Variants in DSG2 observed in about 807,000 individuals in gnomAD.
DSG2 encodes desmoglein-2.
Under a neutral mutation model 75.6 loss-of-function variants are expected in DSG2, and 45 were observed. The observed-to-expected ratio is 0.60, with a 90% CI of 0.47 to 0.76. The LOEUF is 0.76. Among genes scored for constraint, DSG2 ranks in the 30% least tolerant of loss-of-function variants. The probability of loss-of-function intolerance (pLI) is 0.00; values close to 1 mark genes in which losing one functional copy is unlikely to be tolerated. For missense variants in DSG2, 1,267 were observed against 1,357.4 expected, an observed-to-expected ratio of 0.93 and a Z score of 1.05; for synonymous variants, 429 against 483.9, an observed-to-expected ratio of 0.89 and a Z score of 1.49.
At chr18:31,503,494 T>C (rs1053061870) in intron 1 of DSG2, among the ~76,000 whole-genome samples, 1 of 152,074 alleles carries the variant, frequency 6.6e-6, no homozygotes, top group Non-Finnish European at 1.5e-5. Flanking sequence ...GGCAGAAGAA[T>C]GTATAGGAAG....
chr18:31,523,774 A>G (rs906115394), intron 6 of DSG2, among the ~76,000 whole-genome samples: 3 of 152,244 alleles, frequency 2.0e-5, no homozygotes, highest in African/African-American at 7.2e-5. Flanking sequence ...GTCAAAGCGA[A>G]TAAGTGCATG....
chr18:31,542,124 T>C (rs2073271904), intron 13 of DSG2: 1 of 289,012 alleles, frequency 3.5e-6, no homozygotes, highest in Non-Finnish European at 6.6e-6. Context: ...GTCAGGTGGC[T>C]ATACCTAGTG....
At chr18:31,501,136 T>A (rs1173451724) in intron 1 of DSG2, among the ~76,000 whole-genome samples, 1 of 152,168 alleles carries the variant, frequency 6.6e-6, no homozygotes, top group Non-Finnish European at 1.5e-5. Flanking sequence ...ATTGGTATTT[T>A]AAAAATGCTG....
At chr18:31,538,687 T>G in intron 11 of DSG2, 64 bp from the exon 12 acceptor site, 1 of 1,307,108 alleles carries the variant, frequency 7.7e-7, no homozygotes, top group South Asian at 1.2e-5. Context: ...ATTTGTGGAA[T>G]TTAATGTTGC....
At chr18:31,544,675 CTAAT>C (rs1437528900) in intron 14 of DSG2, among the ~76,000 whole-genome samples, 1 of 152,044 alleles carries the variant, frequency 6.6e-6, no homozygotes, top group Non-Finnish European at 1.5e-5. Context: ...TTTTACCAGA[CTAAT>C]TAGGATATTA....
Position 31,536,281 on chromosome 18 carries a change from G to A in DSG2, c.1503G>A (p.Glu501=). 1 of 1,614,188 alleles carries A rather than the reference G, an allele frequency of 6.2e-7. No individual in the cohort carries two copies. Among genetic ancestry groups the A allele is most frequent in the Non-Finnish European group, 8.5e-7 (1 of 1,180,038 alleles). The stretch of plus-strand genomic sequence containing the variant: ...ACGACAACTGTCCCACACTGATAGA[G>A]CCTGTGCAGACAATCTGTCACGATG... The part of the protein sequence containing the change: ...DINDNCPTLI[E]PVQTICHDAE... The change falls in exon 11 of 15, where the codon GAG becomes GAA. Residue 501 remains glutamate, a synonymous_variant. Transcript: ENST00000261590.
chr18:31,507,751 T>C (rs1368682147), intron 1 of DSG2, among the ~76,000 whole-genome samples: 2 of 152,214 alleles, frequency 1.3e-5, no homozygotes, highest in Non-Finnish European at 2.9e-5. Context: ...TTCATATCCT[T>C]CACCCACCTT....
In DSG2 at chr18:31,531,372, G is replaced by C. The variant is rs1173268028; in HGVS notation, c.1280+120G>C. On this transcript the variant is annotated intron_variant, in intron 9 of 14. Coordinates refer to ENST00000261590, the MANE Select transcript of DSG2 (RefSeq NM_001943.5). ...AAATCCAGCATTATAGTTCCCCAAA[G>C]GTCTACAAGTTAAATTTTCCAAAGA... The C allele has an allele frequency of 7.3e-6, 9 of 1,227,562 alleles. No individual in the cohort carries two copies. In the East Asian group the frequency reaches 2.2e-4, roughly 31 times the overall value. 76.0% of individuals were successfully genotyped at this position (1,227,562 alleles called of 1,614,324 possible).
chr18:31,541,709 A>G (rs1159777424), intron 13 of DSG2, among the ~76,000 whole-genome samples: 1 of 152,162 alleles, frequency 6.6e-6, no homozygotes, highest in East Asian at 1.9e-4. Context: ...AAAATGTTGC[A>G]AAACCCCATT....
At chr18:31,506,754 C>T (rs1238455630) in intron 1 of DSG2, among the ~76,000 whole-genome samples, 1 of 152,072 alleles carries the variant, frequency 6.6e-6, no homozygotes, top group Non-Finnish European at 1.5e-5. Flanking sequence ...ATTCCAAAAG[C>T]ATTTGTGGCC....
chr18:31,518,386 C>A, intron 2 of DSG2, 112 bp downstream of exon 2: 1 of 897,106 alleles, frequency 1.1e-6, no homozygotes, highest in Non-Finnish European at 1.8e-6. Flanking sequence ...TTAGACCCAG[C>A]CATTCCCATT....
At chr18:31,511,686 A>G (rs1568102315) in intron 1 of DSG2, among the ~76,000 whole-genome samples, 1 of 152,208 alleles carries the variant, frequency 6.6e-6, no homozygotes, top group Non-Finnish European at 1.5e-5. Context: ...CCTCTTACCT[A>G]GATTCCAAGA....
In DSG2 at chr18:31,546,728, G is replaced by A; in HGVS notation, c.3342G>A (p.Gln1114=). 6.2e-7 allele frequency: 1 copy of A among 1,614,126 alleles called. No homozygotes were observed. Among genetic ancestry groups the A allele is most frequent in the East Asian group, 2.2e-5 (1 of 44,882 alleles). The change falls in exon 15 of 15, where the codon CAG becomes CAA. Residue 1114 remains glutamine, a synonymous_variant. Transcript: ENST00000261590. ...GAGTTACCAAGCATAGCACTGTACA[G>A]CATTCTTACTCCTAAACAGCAGTCA... ...STRVTKHSTV[Q]HSYS
chr18:31,521,512 A>G lies in DSG2; in HGVS notation c.523+269A>G, dbSNP rs113735509. ...ACTCTGCTATCTGCAGGAAAGCACC[A>G]TAGACAATATGTAAACAAATGAGCC... On this transcript the variant is annotated intron_variant, in intron 5 of 14. Coordinates refer to ENST00000261590, the MANE Select transcript of DSG2 (RefSeq NM_001943.5). Among the ~76,000 whole-genome samples the G allele has an allele frequency of 9.8e-3, 1,486 of 152,274 alleles. 20 individuals carry two copies. Among genetic ancestry groups the G allele is most frequent in the African/African-American group, 0.035 (1,435 of 41,556 alleles).
chr18:31,519,400 C>T (rs970948507), intron 2 of DSG2, among the ~76,000 whole-genome samples: 1 of 151,998 alleles, frequency 6.6e-6, no homozygotes, highest in East Asian at 1.9e-4. Flanking sequence ...CCCATAGCTA[C>T]TAAAAATACA....
chr18:31,528,195 G>C (rs78431500), intron 8 of DSG2, among the ~76,000 whole-genome samples: 1,994 of 152,090 alleles, frequency 0.013, 21 homozygotes, highest in Non-Finnish European at 0.02. Context: ...TGATTCTTAG[G>C]TTTCCACCCA....
Position 31,522,267 on chromosome 18 carries a change from G to A in DSG2, c.690+18G>A. ...ACAGAGAGGTAAGTTAATATGTTAT[G>A]TTGCCCATCTTTAAACTCTCTATCC... On this transcript the variant is annotated intron_variant, in intron 6 of 14. Transcript: ENST00000261590. 1 of 1,608,220 alleles carries A rather than the reference G, an allele frequency of 6.2e-7. No individual in the cohort carries two copies. Among genetic ancestry groups the A allele is most frequent in the Non-Finnish European group, 8.5e-7 (1 of 1,175,018 alleles).
In DSG2 at chr18:31,545,989, A is replaced by T; in HGVS notation, c.2603A>T (p.His868Leu). Residue 868 changes from histidine to leucine, a missense_variant, in exon 15 of 15, where the codon CAT becomes CTT. Coordinates refer to ENST00000261590, the MANE Select transcript of DSG2 (RefSeq NM_001943.5). ...ATETSMNTASHSLCEQTMVNS... is the reference protein window; with the variant it reads ...ATETSMNTASLSLCEQTMVNS... ...GAAACAAGTATGAACACAGCTTCACATTCACTCTGTGAGCAAACTATGGTT... is the reference window on the plus strand; with the variant it reads ...GAAACAAGTATGAACACAGCTTCACTTTCACTCTGTGAGCAAACTATGGTT... 6.2e-7 allele frequency: 1 copy of T among 1,614,212 alleles called. No individual in the cohort carries two copies. Among genetic ancestry groups the T allele is most frequent in the Non-Finnish European group, 8.5e-7 (1 of 1,180,042 alleles).
At position 31,521,256 on chromosome 18, in the gene DSG2, T is replaced by C; in HGVS notation, c.523+13T>C. The C allele has an allele frequency of 2.5e-6, 4 of 1,591,784 alleles. No individual in the cohort carries two copies. Among genetic ancestry groups the C allele is most frequent in the Non-Finnish European group, 3.4e-6 (4 of 1,167,230 alleles). On this transcript the variant is annotated intron_variant, in intron 5 of 14. Coordinates refer to ENST00000261590, the MANE Select transcript of DSG2 (RefSeq NM_001943.5). ...TTGAGTGCAGCACGTAAGAGTCTTT[T>C]TTTTTTTTTTTAATAAATAAATACC...
Sources: allele counts gnomAD v4.1 joint callset (sites outside exome capture counted in the v4.1 genomes callset), GRCh38; gene constraint gnomAD v4.1.1; transcripts MANE v1.5; gene names NCBI Gene and HGNC (gene_info 2026-07-23, HGNC 2026-07-21).